Variants in CSMD1 observed in about 807,000 individuals in gnomAD.
The protein encoded by CSMD1 is CUB and sushi domain-containing protein 1.
In CSMD1, 213 loss-of-function variants were observed where a neutral mutation model predicts 417.5. That is an observed-to-expected ratio of 0.51 (90% confidence interval 0.46 to 0.57). The LOEUF (loss-of-function observed/expected upper bound fraction) is 0.57, where lower values mean the gene tolerates loss of function less well. Ranked by LOEUF, CSMD1 falls within the 20% of genes least tolerant of loss-of-function variation. The pLI, the probability that CSMD1 is intolerant of heterozygous loss-of-function variation, is 0.00. For synonymous variants in CSMD1, 2,862 were observed against 1,736.8 expected (o/e 1.65, Z -16.11); for missense variants, 6,923 against 4,529.7 (o/e 1.53, Z -15.17).
At position 3,219,384 on chromosome 8, in the gene CSMD1, T is replaced by A; in HGVS notation, c.4543A>T (p.Ser1515Cys). 1.9e-6 allele frequency: 3 copies of A among 1,566,304 alleles called. No individual in the cohort carries two copies. In the East Asian group the frequency reaches 7.0e-5, roughly 36 times the overall value. ...LHIYEGEDSN[S>C]PLIGSYQGSQ... ...CCCTGGTAACTCCCAATGAGGGGGC[T>A]GTTGGAATCTTCCCCTTCATAGATG... The change falls in exon 29 of 70, where the codon AGC (serine) becomes TGC (cysteine). Residue 1515 changes from serine to cysteine, a missense_variant. By Grantham distance (112) the Ser-to-Cys change is moderately radical. Coordinates refer to ENST00000635120, the MANE Select transcript of CSMD1 (RefSeq NM_033225.6).
intron 1 of CSMD1, among the ~76,000 whole-genome samples, chr8:4,838,196 G>A (rs151050104): frequency 3.3e-5 from 5 of 152,092 alleles, no homozygotes; most frequent in African/African-American, 9.7e-5. Context: ...TGTTCTCCCC[G>A]CTCTTCAATC....
At chr8:3,416,632 C>G (rs141380310) in intron 12 of CSMD1, among the ~76,000 whole-genome samples, 280 of 152,308 alleles carry the variant, frequency 1.8e-3, no homozygotes, top group African/African-American at 6.1e-3. Flanking sequence ...CATGGAAACA[C>G]GTCCAGGGAG....
intron 7 of CSMD1, among the ~76,000 whole-genome samples, chr8:3,705,911 T>A (rs780562710): frequency 3.0e-4 from 45 of 152,300 alleles, no homozygotes; most frequent in African/African-American, 1.0e-3. Flanking sequence ...GAAGATGAAA[T>A]CCTCATGTCA....
At chr8:4,865,742 G>T (rs1016935899) in intron 1 of CSMD1, among the ~76,000 whole-genome samples, 1 of 151,930 alleles carries the variant, frequency 6.6e-6, no homozygotes, top group South Asian at 2.1e-4. Flanking sequence ...CTTAATATAA[G>T]AGAGAAAAGC....
At chr8:4,235,269 T>A (rs1488249807) in intron 3 of CSMD1, among the ~76,000 whole-genome samples, 2 of 151,900 alleles carry the variant, frequency 1.3e-5, no homozygotes, top group Admixed American at 1.3e-4. Flanking sequence ...GTAGGCTACA[T>A]CATAAAACTC....
intron 2 of CSMD1, among the ~76,000 whole-genome samples, chr8:4,634,731 T>C (rs1456494557): frequency 6.6e-6 from 1 of 152,182 alleles, no homozygotes; most frequent in East Asian, 1.9e-4. Flanking sequence ...TCCCGATTAA[T>C]TAGAATTTGC....
intron 5 of CSMD1, among the ~76,000 whole-genome samples, chr8:3,898,652 A>G (rs1036387516): frequency 6.6e-6 from 1 of 152,194 alleles, no homozygotes; most frequent in Non-Finnish European, 1.5e-5. Context: ...TTGAATCCAC[A>G]TGCAGACCTG....
At chr8:3,637,848 T>C (rs1028845350) in intron 7 of CSMD1, among the ~76,000 whole-genome samples, 20 of 152,254 alleles carry the variant, frequency 1.3e-4, no homozygotes, top group African/African-American at 3.8e-4. Flanking sequence ...GCTGTTCCTA[T>C]GGTAGTGAAT....
At chr8:4,893,529 T>C (rs937168941) in intron 1 of CSMD1, among the ~76,000 whole-genome samples, 37 of 152,126 alleles carry the variant, frequency 2.4e-4, no homozygotes, top group African/African-American at 8.9e-4. Context: ...CCACTTTGAA[T>C]AATAATTTTA....
At chr8:4,462,758 T>A (rs1360878209) in intron 2 of CSMD1, among the ~76,000 whole-genome samples, 2 of 152,196 alleles carry the variant, frequency 1.3e-5, no homozygotes, top group Admixed American at 1.3e-4. Flanking sequence ...CAATAAATGG[T>A]GCTCAGACAA....
intron 7 of CSMD1, among the ~76,000 whole-genome samples, chr8:3,688,123 G>A (rs987755983): frequency 3.3e-5 from 5 of 152,152 alleles, no homozygotes; most frequent in East Asian, 1.9e-4. Flanking sequence ...TATCTGCTTC[G>A]AAGTAATTGC....
chr8:4,326,694 A>T (rs142608120), intron 3 of CSMD1, among the ~76,000 whole-genome samples: 1 of 152,194 alleles, frequency 6.6e-6, no homozygotes, highest in Non-Finnish European at 1.5e-5. Context: ...ACTCAAGAAC[A>T]TGAAACATTC....
At position 3,689,872 on chromosome 8, in the gene CSMD1, C is replaced by T. The variant is rs562233036; in HGVS notation, c.1009+18542G>A. Among the ~76,000 whole-genome samples the T allele has an allele frequency of 4.9e-4, 74 of 152,270 alleles. No individual in the cohort carries two copies. In the Middle Eastern group the frequency reaches 0.034, roughly 70 times the overall value. ...ATGAGCTTTAAATCAGATATTTCCT[C>T]CAGCATTTCATAGGGATATTGATTC... On this transcript the variant is annotated intron_variant, in intron 7 of 69. Transcript: ENST00000635120.
chr8:3,940,643 T>C (rs1437298679), intron 5 of CSMD1, among the ~76,000 whole-genome samples: 2 of 151,910 alleles, frequency 1.3e-5, no homozygotes, highest in African/African-American at 4.8e-5. Context: ...ACCTTAACTT[T>C]CTTGTTTGGG....
At chr8:4,142,642 G>C (rs539975225) in intron 3 of CSMD1, among the ~76,000 whole-genome samples, 9 of 151,154 alleles carry the variant, frequency 6.0e-5, no homozygotes, top group African/African-American at 1.7e-4. Context: ...GCAAATGAGA[G>C]AGAAAACAGT....
At chr8:3,620,170 C>T (rs1013726142) in intron 7 of CSMD1, among the ~76,000 whole-genome samples, 1 of 152,012 alleles carries the variant, frequency 6.6e-6, no homozygotes. Flanking sequence ...AAAATGTCAG[C>T]TGAAAATTCT....
At chr8:3,596,549 T>C (rs1345993378) in intron 8 of CSMD1, among the ~76,000 whole-genome samples, 2 of 152,226 alleles carry the variant, frequency 1.3e-5, no homozygotes, top group Non-Finnish European at 2.9e-5. Context: ...AATCCGTGGT[T>C]GATCAGTAAA....
chr8:4,728,328 T>TA, intron 1 of CSMD1, among the ~76,000 whole-genome samples: 1 of 151,848 alleles, frequency 6.6e-6, no homozygotes, highest in East Asian at 1.9e-4. Flanking sequence ...GTTCTCTTTT[T>TA]AAAAATGCTC....
chr8:3,088,783 G>A (rs568890057), intron 48 of CSMD1, among the ~76,000 whole-genome samples: 1 of 136,424 alleles, frequency 7.3e-6, no homozygotes, highest in East Asian at 2.2e-4. Flanking sequence ...ACTTAGTTTA[G>A]ACAAAGTATG....
Sources: gnomAD v4.1 joint callset for allele counts (sites outside exome capture counted in the v4.1 genomes callset) on GRCh38, gnomAD v4.1.1 for gene constraint, MANE v1.5 for transcripts, NCBI Gene and HGNC (gene_info 2026-07-23, HGNC 2026-07-21) for gene names.